The following CDH12 variants were observed in gnomAD, a reference collection of about 807,000 sequenced individuals.
CDH12 encodes cadherin 12, also known as cadherin-12.
CDH12 carries 41 observed loss-of-function variants against 74.1 expected under a neutral mutation model. The ratio of observed to expected loss-of-function variants is 0.55; its 90% confidence interval spans 0.43 to 0.72. The LOEUF is 0.72. Ranked by LOEUF, CDH12 falls within the 30% of genes least tolerant of loss-of-function variation. The pLI is 0.00. For missense variants in CDH12, 945 were observed against 977.2 expected (o/e 0.97, Z 0.44); for synonymous variants, 399 against 355.0 (o/e 1.12, Z -1.39).
intron 1 of CDH12, among the ~76,000 whole-genome samples, chr5:22,508,364 G>A (rs565176406): frequency 6.6e-6 from 1 of 152,236 alleles, no homozygotes; most frequent in South Asian, 2.1e-4. Flanking sequence ...ATCACATTAG[G>A]AGACAAGGAA....
intron 1 of CDH12, among the ~76,000 whole-genome samples, chr5:22,740,345 T>C (rs1270717473): frequency 6.6e-6 from 1 of 151,960 alleles, no homozygotes; most frequent in Non-Finnish European, 1.5e-5. Flanking sequence ...TCCTACATGA[T>C]CGAGAAATTG....
intron 6 of CDH12, among the ~76,000 whole-genome samples, chr5:21,962,873 T>C (rs550876333): frequency 2.0e-5 from 3 of 152,284 alleles, no homozygotes; most frequent in African/African-American, 7.2e-5. Flanking sequence ...GTCCTGTTAC[T>C]ACTGATATCT....
intron 4 of CDH12, among the ~76,000 whole-genome samples, chr5:22,122,634 T>G (rs1745591452): frequency 6.6e-6 from 1 of 152,214 alleles, no homozygotes; most frequent in Non-Finnish European, 1.5e-5. Context: ...GTAAGCACCA[T>G]GAGAGTCTAT....
chr5:22,318,817 C>A lies in CDH12; in HGVS notation c.-333+86440G>T, dbSNP rs139216528. Among the ~76,000 whole-genome samples, 6 of 152,124 alleles carry A rather than the reference C, an allele frequency of 3.9e-5. No homozygotes were observed. In the East Asian group the frequency reaches 9.7e-4, roughly 25 times the overall value. On this transcript the variant is annotated intron_variant, in intron 3 of 14. Transcript: ENST00000382254. Reference sequence around the variant, plus strand: ...TGTCAAATGTTGAGACTATTTTAATCATTTACATATTGTGATCATCAGGCT... The same window carrying A: ...TGTCAAATGTTGAGACTATTTTAATAATTTACATATTGTGATCATCAGGCT...
intron 3 of CDH12, among the ~76,000 whole-genome samples, chr5:22,308,998 A>G (rs1285129585): frequency 6.6e-6 from 1 of 151,840 alleles, no homozygotes; most frequent in Non-Finnish European, 1.5e-5. Context: ...ATGACTTCCT[A>G]TATGAGAGAA....
intron 2 of CDH12, among the ~76,000 whole-genome samples, chr5:22,409,341 A>T (rs992712390): frequency 6.6e-6 from 1 of 152,036 alleles, no homozygotes; most frequent in African/African-American, 2.4e-5. Context: ...CTAAGGTCTG[A>T]GTGCATATAC....
At chr5:21,852,256 A>C (rs1750505705) in intron 7 of CDH12, among the ~76,000 whole-genome samples, 1 of 151,362 alleles carries the variant, frequency 6.6e-6, no homozygotes, top group Admixed American at 6.6e-5. Context: ...TAATATCAAG[A>C]CTTCTGTCTC....
chr5:22,657,422 T>TAAAAC (rs1225675452), intron 1 of CDH12, among the ~76,000 whole-genome samples: 2 of 152,258 alleles, frequency 1.3e-5, no homozygotes, highest in South Asian at 2.1e-4. Context: ...TATTTTACAT[T>TAAAAC]AAAACAAAAC....
chr5:22,812,091 T>C (rs1749176864), intron 1 of CDH12, among the ~76,000 whole-genome samples: 1 of 152,152 alleles, frequency 6.6e-6, no homozygotes, highest in Non-Finnish European at 1.5e-5. Flanking sequence ...TTCATCAGGA[T>C]AATGATGAGC....
intron 4 of CDH12, among the ~76,000 whole-genome samples, chr5:22,146,982 A>C (rs933263070): frequency 3.3e-5 from 5 of 152,166 alleles, no homozygotes; most frequent in Non-Finnish European, 7.4e-5. Flanking sequence ...GTTTATTGCA[A>C]ATGGACATAT....
intron 6 of CDH12, among the ~76,000 whole-genome samples, chr5:21,973,691 G>A (rs1561339833): frequency 6.6e-6 from 1 of 152,132 alleles, no homozygotes; most frequent in African/African-American, 2.4e-5. Context: ...TAGGCACCGA[G>A]TTAAACTATT....
intron 5 of CDH12, among the ~76,000 whole-genome samples, chr5:22,011,782 A>C (rs1737309710): frequency 6.6e-6 from 1 of 152,200 alleles, no homozygotes; most frequent in Non-Finnish European, 1.5e-5. Context: ...AATATGCAAA[A>C]AAGATTAATA....
At chr5:22,486,446 ATTTTTTTT>A (rs5866568) in intron 2 of CDH12, among the ~76,000 whole-genome samples, 2 of 131,410 alleles carry the variant, frequency 1.5e-5, no homozygotes, top group Admixed American at 1.6e-4. Context: ...GTAACTAGTA[ATTTTTTTT>A]TTTTTTTTTT....
At chr5:22,805,623 C>T (rs1025171742) in intron 1 of CDH12, among the ~76,000 whole-genome samples, 5 of 152,016 alleles carry the variant, frequency 3.3e-5, no homozygotes, top group Non-Finnish European at 5.9e-5. Context: ...AATCATCAAA[C>T]ATTTAGCATT....
At chr5:22,630,373 C>A (rs1738521223) in intron 1 of CDH12, among the ~76,000 whole-genome samples, 1 of 151,988 alleles carries the variant, frequency 6.6e-6, no homozygotes, top group Non-Finnish European at 1.5e-5. Flanking sequence ...ACTGGAGGTA[C>A]CACATTATCC....
At chr5:22,665,284 T>C (rs1740555924) in intron 1 of CDH12, among the ~76,000 whole-genome samples, 2 of 152,200 alleles carry the variant, frequency 1.3e-5, no homozygotes, top group Admixed American at 6.5e-5. Flanking sequence ...TGATTGTATA[T>C]GTTTTCATCA....
intron 6 of CDH12, among the ~76,000 whole-genome samples, chr5:21,863,349 A>G (rs989312407): frequency 1.3e-5 from 2 of 152,094 alleles, no homozygotes; most frequent in Admixed American, 6.6e-5. Context: ...TCTGATCTCA[A>G]ACAGAGATAA....
intron 1 of CDH12, among the ~76,000 whole-genome samples, chr5:22,811,863 C>T (rs187935443): frequency 6.6e-6 from 1 of 152,186 alleles, no homozygotes; most frequent in East Asian, 1.9e-4. Flanking sequence ...AAGGAAAACT[C>T]CATACCTATT....
chr5:22,251,669 T>G (rs1040631337), intron 3 of CDH12, among the ~76,000 whole-genome samples: 1 of 152,200 alleles, frequency 6.6e-6, no homozygotes, highest in African/African-American at 2.4e-5. Context: ...ATATGATCAC[T>G]AGTCAATCTT....
Sources: gnomAD v4.1 joint callset for allele counts (sites outside exome capture counted in the v4.1 genomes callset) on GRCh38, gnomAD v4.1.1 for gene constraint, MANE v1.5 for transcripts, NCBI Gene and HGNC (gene_info 2026-07-23, HGNC 2026-07-21) for gene names.